DZIP1L: variants seen among roughly 807,000 people sequenced by gnomAD.
DZIP1L encodes the protein DAZ interacting zinc finger protein 1 like.
Under a neutral mutation model 88.7 loss-of-function variants are expected in DZIP1L, and 90 were observed. That is an observed-to-expected ratio of 1.02 (90% CI 0.86 to 1.21). The LOEUF is 1.21. DZIP1L is among the 50% of genes most tolerant of loss of function. DZIP1L has a pLI of 0.00. For synonymous variants in DZIP1L, 363 were observed against 372.1 expected (o/e 0.98, Z 0.28); for missense variants, 932 against 955.8 (o/e 0.98, Z 0.33).
At chr3:138,102,406 A>C in intron 2 of DZIP1L, 1 of 1,348,272 alleles carries the variant, frequency 7.4e-7, no homozygotes, top group Non-Finnish European at 1.1e-6. Context: ...TCCTCCACCC[A>C]GCCCCTGCAT....
intron 1 of DZIP1L, among the ~76,000 whole-genome samples, chr3:138,109,490 A>G (rs1056562226): frequency 2.0e-5 from 3 of 152,226 alleles, no homozygotes; most frequent in Middle Eastern, 3.2e-3. Context: ...GGCCCTGCTT[A>G]TAAATGATTA....
intron 14 of DZIP1L, among the ~76,000 whole-genome samples, chr3:138,067,166 A>G (rs1942946578): frequency 6.6e-6 from 1 of 152,064 alleles, no homozygotes; most frequent in South Asian, 2.1e-4. Flanking sequence ...CCCTGTCACC[A>G]CTACTAGAGC....
chr3:138,103,272 C>A (rs2042378745), intron 2 of DZIP1L, among the ~76,000 whole-genome samples, 199 bp downstream of exon 2: 1 of 152,178 alleles, frequency 6.6e-6, no homozygotes, highest in Admixed American at 6.5e-5. Flanking sequence ...CACATACACA[C>A]ACACACACAC....
At chr3:138,072,829 A>C (rs1943240807) in intron 11 of DZIP1L, among the ~76,000 whole-genome samples, 1 of 152,186 alleles carries the variant, frequency 6.6e-6, no homozygotes, top group South Asian at 2.1e-4. Flanking sequence ...GGTGGGGCAC[A>C]GTGCGAGTGA....
chr3:138,094,465 T>C (rs975141737), intron 4 of DZIP1L, among the ~76,000 whole-genome samples: 2 of 152,270 alleles, frequency 1.3e-5, no homozygotes, highest in Non-Finnish European at 2.9e-5. Context: ...GGCAACTTCA[T>C]GTATTTTCAT....
rs201729246 is a variant in DZIP1L at position 138,068,183 on chromosome 3, G to A, written c.1800C>T (p.Ser600=). ...PAPRPGLHGP[S]STPPSSGPGM... Reference sequence around the variant, plus strand: ...CGGGCCCCGAGGAAGGAGGGGTGCTGGAGGGTCCATGCAGTCCGGGGCGTG... The same window carrying A: ...CGGGCCCCGAGGAAGGAGGGGTGCTAGAGGGTCCATGCAGTCCGGGGCGTG... The change falls in exon 13 of 16, where the codon TCC becomes TCT. Residue 600 remains serine, a synonymous_variant. Transcript: ENST00000327532. The A allele has an allele frequency of 4.0e-5, 63 of 1,562,964 alleles. 1 individual carries two copies. Among genetic ancestry groups the A allele is most frequent in the Middle Eastern group, 1.9e-4 (1 of 5,262 alleles).
At position 138,094,907 on chromosome 3, in the gene DZIP1L, C is replaced by G; in HGVS notation, c.663G>C (p.Gly221=). ...CCGCCTCCCTCTGGGCTTCCAGCTCCCCTTGGGTCCACTTTAGCTTGGCCC... is the reference window on the plus strand; with the variant it reads ...CCGCCTCCCTCTGGGCTTCCAGCTCGCCTTGGGTCCACTTTAGCTTGGCCC... ...ELRAKLKWTQ[G]ELEAQREAER... Residue 221 remains glycine, a synonymous_variant, in exon 4 of 16, where the codon GGG becomes GGC. Transcript: ENST00000327532. 1 of 1,614,246 alleles carries G rather than the reference C, an allele frequency of 6.2e-7. No homozygotes were observed.
chr3:138,085,749 A>G (rs942217332), intron 7 of DZIP1L, among the ~76,000 whole-genome samples: 1 of 152,224 alleles, frequency 6.6e-6, no homozygotes, highest in African/African-American at 2.4e-5. Flanking sequence ...CAGCCATCCC[A>G]TTACTGGGTA....
chr3:138,100,636 T>C (rs1415988286), intron 2 of DZIP1L, among the ~76,000 whole-genome samples: 2 of 152,256 alleles, frequency 1.3e-5, no homozygotes, highest in African/African-American at 2.4e-5. Context: ...CAGAATTGAA[T>C]TGAAGGGCAC....
chr3:138,092,561 G>T lies in DZIP1L; in HGVS notation c.709-17C>A. On this transcript the variant is annotated splice_polypyrimidine_tract_variant and intron_variant, in intron 4 of 15. Coordinates refer to ENST00000327532, the MANE Select transcript of DZIP1L (RefSeq NM_173543.3). ...CTCTGCTTCCTAAAAAGAAGAGCAA[G>T]AACAATATGATGATTAATTCCACAT... The T allele has an allele frequency of 1.3e-6, 2 of 1,551,842 alleles. No individual in the cohort carries two copies. The highest frequency in any genetic ancestry group is 1.3e-5 in the South Asian group (1 of 78,208).
intron 1 of DZIP1L, among the ~76,000 whole-genome samples, chr3:138,104,785 G>C (rs1371234355): frequency 4.6e-5 from 7 of 152,298 alleles, no homozygotes; most frequent in Middle Eastern, 3.4e-3. Flanking sequence ...TAAGTAAAAA[G>C]ATCTCTAGTT....
intron 3 of DZIP1L, 53 bp downstream of exon 3, chr3:138,097,709 GC>G (rs1944544662): frequency 5.9e-6 from 9 of 1,523,500 alleles, no homozygotes; most frequent in Non-Finnish European, 8.0e-6. Flanking sequence ...CTGAATACCA[GC>G]CCCAGCCCTT....
At chr3:138,106,206 T>A (rs1156939914) in intron 1 of DZIP1L, among the ~76,000 whole-genome samples, 1 of 135,604 alleles carries the variant, frequency 7.4e-6, no homozygotes, top group Admixed American at 8.3e-5. Context: ...TGGCGCGATC[T>A]CGGCTTACTG....
chr3:138,063,749 A>T lies in DZIP1L; in HGVS notation c.2143-772T>A, dbSNP rs1204110074. ...TGGTGCTCTTTCACAATTTGGAAAA[A>T]GGAACAAGTTTTTTCTTTTCAATCA... On this transcript the variant is annotated intron_variant, in intron 15 of 15. Coordinates refer to ENST00000327532, the MANE Select transcript of DZIP1L (RefSeq NM_173543.3). This position sits in a 1 kb window ranked among gnomAD's most constrained non-coding sequence, Gnocchi z 4.1. Among the ~76,000 whole-genome samples the T allele has an allele frequency of 2.6e-5, 4 of 152,246 alleles. No individual in the cohort carries two copies. Among genetic ancestry groups the T allele is most frequent in the African/African-American group, 9.6e-5 (4 of 41,462 alleles).
At chr3:138,069,764 C>T (rs1943092228) in intron 12 of DZIP1L, among the ~76,000 whole-genome samples, 1 of 152,196 alleles carries the variant, frequency 6.6e-6, no homozygotes. Context: ...TGGGCCCTCA[C>T]CGCTACTTCC....
At chr3:138,099,105 G>C (rs1270589966) in intron 2 of DZIP1L, among the ~76,000 whole-genome samples, 2 of 152,202 alleles carry the variant, frequency 1.3e-5, no homozygotes, top group Non-Finnish European at 2.9e-5. Flanking sequence ...CTGCAGCCTG[G>C]ATGACAGAGT....
intron 5 of DZIP1L, chr3:138,089,209 A>G: frequency 2.0e-6 from 2 of 985,444 alleles, no homozygotes; most frequent in Non-Finnish European, 2.4e-6. Context: ...CATTCTTGCT[A>G]ACACTTCTCA....
At chr3:138,090,474 T>C (rs1443536617) in intron 5 of DZIP1L, among the ~76,000 whole-genome samples, 2 of 152,156 alleles carry the variant, frequency 1.3e-5, no homozygotes, top group East Asian at 1.9e-4. Flanking sequence ...ATGAGGTCAA[T>C]AGTGGAGCAG....
chr3:138,087,083 G>C, intron 6 of DZIP1L, 60 bp from the exon 7 acceptor site: 1 of 1,541,388 alleles, frequency 6.5e-7, no homozygotes, highest in Non-Finnish European at 8.9e-7. Context: ...ATGTTATAAA[G>C]CTACAGGAAG....
Sources: gnomAD v4.1 joint callset for allele counts (sites outside exome capture counted in the v4.1 genomes callset) on GRCh38, gnomAD v4.1.1 for gene constraint, Gnocchi (gnomAD v3.1) non-coding constraint, MANE v1.5 for transcripts, NCBI Gene and HGNC (gene_info 2026-07-23, HGNC 2026-07-21) for gene names.